FRMPD4: variants seen among roughly 807,000 people sequenced by gnomAD.
The protein encoded by FRMPD4 is FERM and PDZ domain-containing protein 4.
A neutral mutation model predicts 94.1 loss-of-function variants in FRMPD4; 22 were observed. The ratio of observed to expected loss-of-function variants is 0.23; its 90% CI spans 0.17 to 0.33. FRMPD4 has a LOEUF of 0.33. Ranked by LOEUF, FRMPD4 falls within the 10% of genes least tolerant of loss-of-function variation. The probability of loss-of-function intolerance (pLI) is 1.00; values close to 1 mark genes in which losing one functional copy is unlikely to be tolerated. For synonymous variants in FRMPD4, 631 were observed against 548.6 expected (o/e 1.15, Z -2.10); for missense variants, 1,111 against 1,339.9 (o/e 0.83, Z 2.67).
chrX:12,682,726 G>T (rs1166706847), intron 5 of FRMPD4, among the ~76,000 whole-genome samples: 2 of 111,888 alleles, frequency 1.8e-5, no homozygotes, highest in East Asian at 2.8e-4. Flanking sequence ...TTCTAGGCAG[G>T]TTCTCCCATT....
chrX:12,095,480 TTTA>T (rs1274402687), intron 3 of FRMPD4, among the ~76,000 whole-genome samples: 1 of 111,931 alleles, frequency 8.9e-6, no homozygotes, highest in Non-Finnish European at 1.9e-5. Flanking sequence ...ACCATGTTCA[TTTA>T]TTTACATATG....
chrX:12,562,547 A>C (rs1291130546), intron 2 of FRMPD4, among the ~76,000 whole-genome samples: 2 of 112,650 alleles, frequency 1.8e-5, no homozygotes, highest in Non-Finnish European at 3.7e-5. Context: ...AAAAATGTGC[A>C]AAAGAAGTAC....
At chrX:12,411,962 C>T (rs1309032113) in intron 1 of FRMPD4, among the ~76,000 whole-genome samples, 1 of 111,793 alleles carries the variant, frequency 8.9e-6, no homozygotes, top group African/African-American at 3.3e-5. Context: ...TAGGAAAAAA[C>T]CTGGAAGAAG....
chrX:12,549,230 C>G (rs775890538), intron 2 of FRMPD4, among the ~76,000 whole-genome samples: 1 of 111,633 alleles, frequency 9.0e-6, no homozygotes, highest in Non-Finnish European at 1.9e-5. Flanking sequence ...GCTTGTGTCA[C>G]GAAGGGAAAT....
At chrX:12,592,880 A>T (rs901323617) in intron 2 of FRMPD4, among the ~76,000 whole-genome samples, 16 of 112,141 alleles carry the variant, frequency 1.4e-4, no homozygotes, top group Non-Finnish European at 2.4e-4. Flanking sequence ...AGTCTCTGAC[A>T]GTTTTTCATT....
chrX:12,339,420 C>T (rs1485717478), intron 1 of FRMPD4, among the ~76,000 whole-genome samples: 6 of 111,461 alleles, frequency 5.4e-5, no homozygotes, highest in Non-Finnish European at 9.4e-5. Flanking sequence ...TCTTTAACCC[C>T]ACTGATTACA....
chrX:12,607,812 C>T (rs943007787), intron 2 of FRMPD4, among the ~76,000 whole-genome samples: 1 of 112,108 alleles, frequency 8.9e-6, no homozygotes, highest in African/African-American at 3.2e-5. Flanking sequence ...GAAGCTAAGT[C>T]GAAAAGACAC....
chrX:12,615,597 A>G (rs989102966), intron 4 of FRMPD4, among the ~76,000 whole-genome samples: 2 of 111,479 alleles, frequency 1.8e-5, no homozygotes, highest in Non-Finnish European at 3.8e-5. Context: ...TGGGCCTATC[A>G]TATGAATGGA....
At chrX:12,374,283 G>C (rs2056202874) in intron 1 of FRMPD4, among the ~76,000 whole-genome samples, 1 of 112,097 alleles carries the variant, frequency 8.9e-6, no homozygotes, top group Admixed American at 9.4e-5. Context: ...CAGAATTTTA[G>C]ACTCTAAATT....
chrX:11,955,482 A>ATGT (rs2054250634), intron 3 of FRMPD4, among the ~76,000 whole-genome samples: 1 of 91,544 alleles, frequency 1.1e-5, no homozygotes, highest in African/African-American at 6.1e-5. Flanking sequence ...ATAAATAAAT[A>ATGT]AATGTATGTA....
intron 3 of FRMPD4, among the ~76,000 whole-genome samples, chrX:12,098,973 TA>T: frequency 9.8e-6 from 1 of 102,341 alleles, no homozygotes; most frequent in East Asian, 3.1e-4. Flanking sequence ...ATATTTGTGA[TA>T]AAAAAATTTC....
intron 3 of FRMPD4, among the ~76,000 whole-genome samples, chrX:11,896,573 T>C (rs776605806): frequency 6.2e-5 from 7 of 112,280 alleles, no homozygotes; most frequent in Non-Finnish European, 1.3e-4. Flanking sequence ...TCTGCTGGTG[T>C]CTTGACCTTG....
intron 1 of FRMPD4, among the ~76,000 whole-genome samples, chrX:12,188,553 G>A (rs935869539): frequency 8.9e-6 from 1 of 111,819 alleles, no homozygotes; most frequent in Non-Finnish European, 1.9e-5. Context: ...AAGGAATATG[G>A]CATTGAACTA....
intron 3 of FRMPD4, among the ~76,000 whole-genome samples, chrX:12,068,826 A>G (rs1367963862): frequency 8.9e-6 from 1 of 112,392 alleles, no homozygotes; most frequent in African/African-American, 3.2e-5. Context: ...TAACAAATGT[A>G]ATGTTTAGTG....
At chrX:12,404,175 G>C (rs761057187) in intron 1 of FRMPD4, among the ~76,000 whole-genome samples, 11 of 111,658 alleles carry the variant, frequency 9.9e-5, no homozygotes, top group Non-Finnish European at 1.9e-4. Flanking sequence ...AAATATTTTA[G>C]GCTGCACCTT....
At chrX:11,955,576 A>G (rs1485618593) in intron 3 of FRMPD4, among the ~76,000 whole-genome samples, 1 of 109,459 alleles carries the variant, frequency 9.1e-6, no homozygotes, top group Non-Finnish European at 1.9e-5. Flanking sequence ...CGTCTCTACT[A>G]AAAAAATACA....
intron 4 of FRMPD4, among the ~76,000 whole-genome samples, chrX:12,616,700 T>A (rs760412261): frequency 1.8e-5 from 2 of 112,480 alleles, no homozygotes; most frequent in Non-Finnish European, 1.9e-5. Context: ...GCAGTGTTCA[T>A]CTGGAATAAC....
chrX:12,664,054 T>A (rs1364296485), intron 4 of FRMPD4, among the ~76,000 whole-genome samples: 3 of 112,593 alleles, frequency 2.7e-5, no homozygotes, highest in African/African-American at 9.7e-5. Flanking sequence ...ATTGATTTTG[T>A]TTCCTGAGAC....
chrX:12,039,967 C>CAAAAAAAAAAAA (rs367795862), intron 3 of FRMPD4, among the ~76,000 whole-genome samples: 1 of 32,010 alleles, frequency 3.1e-5, no homozygotes, highest in Non-Finnish European at 6.2e-5. Flanking sequence ...AAAACTTTGT[C>CAAAAAAAAAAAA]AAAAAAAAAA....
Sources: gnomAD v4.1 joint callset for allele counts (sites outside exome capture counted in the v4.1 genomes callset) on GRCh38, gnomAD v4.1.1 for gene constraint, MANE v1.5 for transcripts, NCBI Gene and HGNC (gene_info 2026-07-23, HGNC 2026-07-21) for gene names.